Variants in IGFL4 observed in about 807,000 individuals in gnomAD.
IGFL4 encodes insulin growth factor-like family member 4.
Under a neutral mutation model 15.4 loss-of-function variants are expected in IGFL4, and 12 were observed. The observed-to-expected ratio is 0.78, with a 90% confidence interval of 0.50 to 1.26. IGFL4 has a LOEUF of 1.26. Ranked by LOEUF, IGFL4 falls within the 50% of genes most tolerant of loss-of-function variation. IGFL4 has a pLI of 0.00. For synonymous variants in IGFL4, 54 were observed against 55.9 expected, an observed-to-expected ratio of 0.97 and a Z score of 0.16; for missense variants, 126 against 147.8, an observed-to-expected ratio of 0.85 and a Z score of 0.76.
intron 2 of IGFL4, chr19:46,058,681 G>T (rs1302746194): frequency 6.6e-6 from 1 of 152,228 alleles, no homozygotes; most frequent in African/African-American, 2.4e-5. Flanking sequence ...CTAGGCGGAG[G>T]TTCCCAAACC....
At chr19:46,042,371 A>G (rs1969255068), upstream of IGFL4, among the ~76,000 whole-genome samples, 2 of 152,290 alleles carry the variant, frequency 1.3e-5, no homozygotes, top group African/African-American at 2.4e-5. Context: ...TAAGAACTAC[A>G]TTCCTGTTTA....
At chr19:46,045,812 G>T (rs183618358), upstream of IGFL4, among the ~76,000 whole-genome samples, 39 of 152,250 alleles carry the variant, frequency 2.6e-4, no homozygotes, top group African/African-American at 8.9e-4. Flanking sequence ...AAGAGACAGG[G>T]AAATTGGAAC....
chr19:46,056,829 T>C (rs1285847300), intron 2 of IGFL4, among the ~76,000 whole-genome samples: 1 of 152,206 alleles, frequency 6.6e-6, no homozygotes, highest in Non-Finnish European at 1.5e-5. Context: ...TCCTCCAGCA[T>C]ATTCCTTGCA....
chr19:46,064,456 A>G (rs1969475874), intron 1 of IGFL4, among the ~76,000 whole-genome samples: 1 of 151,942 alleles, frequency 6.6e-6, no homozygotes, highest in African/African-American at 2.4e-5. Flanking sequence ...ACACTTTCCC[A>G]TTAACCACGC....
chr19:46,051,741 T>C (rs563297285), intron 2 of IGFL4, among the ~76,000 whole-genome samples: 28 of 152,230 alleles, frequency 1.8e-4, no homozygotes, highest in Middle Eastern at 3.4e-3. Flanking sequence ...TTCAAGTGAC[T>C]CACCTGACAC....
chr19:46,051,796 T>C (rs1425681227), intron 2 of IGFL4, among the ~76,000 whole-genome samples: 2 of 151,928 alleles, frequency 1.3e-5, no homozygotes, highest in Non-Finnish European at 2.9e-5. Flanking sequence ...GAAAAAGATA[T>C]CCCATGCAAA....
chr19:46,063,274 A>G (rs937489484), intron 1 of IGFL4, among the ~76,000 whole-genome samples: 20 of 151,994 alleles, frequency 1.3e-4, no homozygotes, highest in African/African-American at 4.8e-4. Flanking sequence ...GATGCCCTCC[A>G]GAGCTATCAC....
At position 46,039,382 on chromosome 19, in the gene IGFL4, T is replaced by C. The variant is rs1386648618; in HGVS notation, c.*510A>G. 1.4e-5 allele frequency among the ~76,000 whole-genome samples: 2 copies of C among 145,218 alleles called. No individual in the cohort carries two copies. The highest frequency in any genetic ancestry group is 4.0e-4 in the East Asian group (2 of 5,018). On this transcript the variant is annotated 3_prime_UTR_variant, in exon 4 of 4. Coordinates refer to ENST00000377697, the MANE Select transcript of IGFL4 (RefSeq NM_001002923.3). ...ATTGACTTGGCGATGAGGGCTCTTT[T>C]TTGGTTCCATATGAACTTTAAAGTA...
chr19:46,049,955 C>T lies in IGFL4; in HGVS notation c.-322-8845G>A, dbSNP rs1350618782. Among the ~76,000 whole-genome samples, 6 of 152,222 alleles carry T rather than the reference C, an allele frequency of 3.9e-5. No homozygotes were observed. In the South Asian group the frequency reaches 1.0e-3, roughly 26 times the overall value. ...CCACCAGGGTAGGTGCTGGTATCCA[C>T]GGTTGAGAGACCTAAAGACGGATCA... On this transcript the variant is annotated intron_variant, in intron 2 of 5. Transcript: ENST00000601672.
intron 2 of IGFL4, among the ~76,000 whole-genome samples, chr19:46,051,025 TAAAC>T (rs1969340800): frequency 6.6e-6 from 1 of 152,184 alleles, no homozygotes; most frequent in Admixed American, 6.5e-5. Flanking sequence ...TTAGTCTCCT[TAAAC>T]AACGCAATTA....
At chr19:46,067,141 T>G (rs1338242161) in intron 1 of IGFL4, among the ~76,000 whole-genome samples, 2 of 152,198 alleles carry the variant, frequency 1.3e-5, no homozygotes, top group Non-Finnish European at 2.9e-5. Context: ...CCACTCTCCT[T>G]GTGCCTGCTT....
upstream of IGFL4, among the ~76,000 whole-genome samples, chr19:46,042,693 T>G (rs1969258023): frequency 6.6e-6 from 1 of 152,192 alleles, no homozygotes; most frequent in Non-Finnish European, 1.5e-5. Context: ...CCATGTCCCT[T>G]ATACAGGGTG....
intron 1 of IGFL4, among the ~76,000 whole-genome samples, chr19:46,071,916 G>A (rs138207283): frequency 0.015 from 2,262 of 152,232 alleles, 59 homozygotes; most frequent in African/African-American, 0.051. Context: ...CCAGCTACTC[G>A]GGAGTCTGAG....
intron 1 of IGFL4, among the ~76,000 whole-genome samples, chr19:46,073,355 A>T (rs1285703833): frequency 6.6e-6 from 1 of 152,124 alleles, no homozygotes; most frequent in Non-Finnish European, 1.5e-5. Context: ...TTGCAATTAG[A>T]GTTCCTTCTT....
chr19:46,040,523 A>T lies in IGFL4; in HGVS notation c.65T>A (p.Val22Asp). 10 of 1,613,902 alleles carry T rather than the reference A, an allele frequency of 6.2e-6. No homozygotes were observed. The highest frequency in any genetic ancestry group is 8.5e-6 in the Non-Finnish European group (10 of 1,180,006). The change falls in exon 2 of 4, where the codon GTC (valine) becomes GAC (aspartate). Residue 22 changes from valine to aspartate, a missense_variant. Val to Asp is a radical substitution (Grantham distance 152). Coordinates refer to ENST00000377697, the MANE Select transcript of IGFL4 (RefSeq NM_001002923.3). This position sits in a 1 kb window ranked among gnomAD's most constrained non-coding sequence, Gnocchi z 4.1. ...FELLGSNSEGVTDLRLWLCQP... is the reference protein window; with the variant it reads ...FELLGSNSEGDTDLRLWLCQP... ...CTCACTGCATCTGTTCTCACCTGTG[A>T]CTCCTTCTGAGTTTGAACCCAAAAG...
Position 46,040,021 on chromosome 19 carries a change from G to C in IGFL4, c.331-85C>G. The C allele has an allele frequency of 6.6e-7, 1 of 1,504,306 alleles. No individual in the cohort carries two copies. The highest frequency in any genetic ancestry group is 9.3e-7 in the Non-Finnish European group (1 of 1,081,030). The allele number at this position is 1,504,306 out of a possible 1,614,324, so 93.2% of individuals were successfully genotyped here. A position where few individuals can be genotyped will look rare whatever the true frequency, so the allele number is the denominator to read the frequency against. On this transcript the variant is annotated intron_variant, in intron 3 of 3. Coordinates refer to ENST00000377697, the MANE Select transcript of IGFL4 (RefSeq NM_001002923.3). This position sits in a 1 kb window ranked among gnomAD's most constrained non-coding sequence, Gnocchi z 4.1. ...GGGAAGGAACAGAGACATGGAGAAA[G>C]ACAGAGTTGCATGGTTACTGAGAGA...
chr19:46,067,793 GAGTC>G (rs1292644880), intron 1 of IGFL4, among the ~76,000 whole-genome samples: 22 of 152,236 alleles, frequency 1.4e-4, no homozygotes, highest in Non-Finnish European at 2.5e-4. Context: ...CCTCAGGAAA[GAGTC>G]AGTCAGCCAG....
At chr19:46,046,515 T>C (rs1024824894) in intron 2 of IGFL4, among the ~76,000 whole-genome samples, 1 of 152,096 alleles carries the variant, frequency 6.6e-6, no homozygotes, top group African/African-American at 2.4e-5. Flanking sequence ...GAGAGACCCA[T>C]CTCACATGTG....
upstream of IGFL4, among the ~76,000 whole-genome samples, chr19:46,043,533 C>T (rs1489639839): frequency 3.9e-5 from 6 of 152,124 alleles, no homozygotes; most frequent in Non-Finnish European, 1.5e-5. Flanking sequence ...TCACACTACC[C>T]AATTTCACAA....
Sources: gnomAD v4.1 joint callset for allele counts (sites outside exome capture counted in the v4.1 genomes callset) on GRCh38, gnomAD v4.1.1 for gene constraint, Gnocchi (gnomAD v3.1) non-coding constraint, MANE v1.5 for transcripts, NCBI Gene and HGNC (gene_info 2026-07-23, HGNC 2026-07-21) for gene names.